Variants in LRP1B observed in about 807,000 individuals in gnomAD.
The protein encoded by LRP1B is low-density lipoprotein receptor-related protein 1B.
In LRP1B, 217 loss-of-function variants were observed where a neutral mutation model predicts 556.6. That is an observed-to-expected ratio of 0.39 (90% CI 0.35 to 0.44). The LOEUF is 0.44. LRP1B is among the 20% of genes least tolerant of loss of function. LRP1B has a pLI of 1.00. For synonymous variants in LRP1B, 2,047 were observed against 1,865.8 expected, an observed-to-expected ratio of 1.10 and a Z score of -2.50; for missense variants, 5,053 against 5,620.8, an observed-to-expected ratio of 0.90 and a Z score of 3.23.
chr2:140,436,558 A>G lies in LRP1B; in HGVS notation c.10414+5946T>C, dbSNP rs112945468. 7.2e-3 allele frequency among the ~76,000 whole-genome samples: 1,101 copies of G among 152,144 alleles called. 22 individuals are homozygous for G. Among genetic ancestry groups the G allele is most frequent in the African/African-American group, 0.023 (962 of 41,504 alleles). On this transcript the variant is annotated intron_variant, in intron 66 of 90. Coordinates refer to ENST00000389484, the MANE Select transcript of LRP1B (RefSeq NM_018557.3). ...GAATGCCGAGAAGTGGAAAGCAGTAAAGCAATATGGTTTTCATTTCTCTCT... is the reference window on the plus strand; with the variant it reads ...GAATGCCGAGAAGTGGAAAGCAGTAGAGCAATATGGTTTTCATTTCTCTCT...
At chr2:140,868,470 A>G (rs1227004033) in intron 25 of LRP1B, among the ~76,000 whole-genome samples, 1 of 152,056 alleles carries the variant, frequency 6.6e-6, no homozygotes, top group African/African-American at 2.4e-5. Context: ...GACTCATAAA[A>G]TATTTTGAAA....
intron 29 of LRP1B, among the ~76,000 whole-genome samples, chr2:140,842,537 T>C (rs760201617): frequency 1.3e-5 from 2 of 152,222 alleles, no homozygotes; most frequent in Non-Finnish European, 2.9e-5. Flanking sequence ...GAATTTCAAA[T>C]GTAAACTTGT....
chr2:140,538,687 G>A (rs1027739391), intron 45 of LRP1B, among the ~76,000 whole-genome samples: 14 of 152,036 alleles, frequency 9.2e-5, no homozygotes, highest in African/African-American at 3.4e-4. Flanking sequence ...AAAAATAAAA[G>A]GGTGCTAATA....
intron 2 of LRP1B, among the ~76,000 whole-genome samples, chr2:141,755,938 T>G (rs536941485): frequency 1.6e-4 from 24 of 152,170 alleles, no homozygotes; most frequent in Non-Finnish European, 3.2e-4. Flanking sequence ...ACCATTATTT[T>G]TAAAATATAT....
intron 25 of LRP1B, among the ~76,000 whole-genome samples, chr2:140,883,135 G>T (rs1047147200): frequency 6.6e-6 from 1 of 152,154 alleles, no homozygotes; most frequent in Non-Finnish European, 1.5e-5. Flanking sequence ...TACACCCAGA[G>T]TATAAGTGAC....
chr2:140,525,534 G>A (rs1445158404), intron 49 of LRP1B, among the ~76,000 whole-genome samples: 5 of 151,922 alleles, frequency 3.3e-5, no homozygotes. Flanking sequence ...TTCTAGGTAT[G>A]TAATAATTCT....
rs559297609 is a variant in LRP1B, at chr2:140,994,143, T to TA, written c.2504-9dup. On this transcript the variant is annotated splice_polypyrimidine_tract_variant and intron_variant, in intron 15 of 90. Coordinates refer to ENST00000389484, the MANE Select transcript of LRP1B (RefSeq NM_018557.3). ...GTGCTTCTCCAGGATTAACTAGAGT[T>TA]AAAAAAACCCAAGGTATATGAATAA... 804 of 1,610,078 alleles carry TA rather than the reference T, an allele frequency of 5.0e-4. 5 individuals carry two copies. The highest frequency in any genetic ancestry group is 4.2e-3 in the South Asian group (385 of 90,734).
At chr2:140,691,700 T>C (rs985626489) in intron 41 of LRP1B, among the ~76,000 whole-genome samples, 2 of 152,148 alleles carry the variant, frequency 1.3e-5, no homozygotes, top group Admixed American at 6.6e-5. Flanking sequence ...AGCAGGCACC[T>C]ATCATGTCAT....
At chr2:141,483,315 G>C (rs1682994588) in intron 2 of LRP1B, among the ~76,000 whole-genome samples, 1 of 150,808 alleles carries the variant, frequency 6.6e-6, no homozygotes, top group African/African-American at 2.4e-5. Context: ...TGGCTGCATA[G>C]TATTCCATGG....
chr2:140,466,124 C>CTTTTTT (rs74381027), intron 60 of LRP1B, among the ~76,000 whole-genome samples: 1 of 125,718 alleles, frequency 8.0e-6, no homozygotes, highest in African/African-American at 2.9e-5. Flanking sequence ...TTTCTTTTTT[C>CTTTTTT]TTTTTTTTTT....
intron 1 of LRP1B, among the ~76,000 whole-genome samples, chr2:141,977,653 G>T (rs1574553145): frequency 6.6e-6 from 1 of 152,084 alleles, no homozygotes; most frequent in Non-Finnish European, 1.5e-5. Context: ...GTTGATGATG[G>T]GTTTGGACAT....
At chr2:142,123,750 T>C (rs895602056) in intron 1 of LRP1B, among the ~76,000 whole-genome samples, 1 of 151,764 alleles carries the variant, frequency 6.6e-6, no homozygotes, top group African/African-American at 2.4e-5. Flanking sequence ...GATATAGTTA[T>C]AATATTATTC....
chr2:140,338,918 G>A (rs912037387), intron 77 of LRP1B, among the ~76,000 whole-genome samples: 82 of 151,830 alleles, frequency 5.4e-4, no homozygotes, highest in African/African-American at 1.9e-3. Context: ...CCATGAAATA[G>A]AGACACTAAT....
chr2:140,495,387 GTTA>G (rs1688877955), intron 56 of LRP1B, among the ~76,000 whole-genome samples, 175 bp downstream of exon 56: 2 of 150,414 alleles, frequency 1.3e-5, no homozygotes, highest in South Asian at 4.2e-4. Flanking sequence ...ATAAGGCAAT[GTTA>G]TTATGAACAG....
At chr2:140,953,939 T>C (rs1695795903) in intron 18 of LRP1B, among the ~76,000 whole-genome samples, 1 of 152,198 alleles carries the variant, frequency 6.6e-6, no homozygotes, top group Non-Finnish European at 1.5e-5. Flanking sequence ...TTACCATCCA[T>C]GAATGTACCT....
In LRP1B at chr2:140,526,236, C is replaced by G. The variant is rs762049370; in HGVS notation, c.7876+1G>C. 6.2e-7 allele frequency: 1 copy of G among 1,609,342 alleles called. No homozygotes were observed. On this transcript the variant is annotated splice_donor_variant, in intron 48 of 90. Transcript: ENST00000389484. LOFTEE classifies it high-confidence loss of function. Reference sequence around the variant, plus strand: ...AGACAAAAGGTAGTGGAATATCTTACTGCAGTTCTTTTCATCTGAAGCATC... The same window carrying G: ...AGACAAAAGGTAGTGGAATATCTTAGTGCAGTTCTTTTCATCTGAAGCATC...
chr2:141,991,079 T>C (rs935294292), intron 1 of LRP1B, among the ~76,000 whole-genome samples: 1 of 152,070 alleles, frequency 6.6e-6, no homozygotes, highest in African/African-American at 2.4e-5. Flanking sequence ...TACAAATTAT[T>C]TGTTCATTTG....
At chr2:141,978,006 T>G (rs1701933196) in intron 1 of LRP1B, among the ~76,000 whole-genome samples, 1 of 152,156 alleles carries the variant, frequency 6.6e-6, no homozygotes, top group African/African-American at 2.4e-5. Context: ...AGCATACATT[T>G]TGCATACAGA....
chr2:141,967,397 A>T (rs942998958), intron 1 of LRP1B, among the ~76,000 whole-genome samples: 1 of 151,880 alleles, frequency 6.6e-6, no homozygotes, highest in African/African-American at 2.4e-5. Context: ...AATGCTTAAA[A>T]GTGTTTCATT....
Sources: allele counts gnomAD v4.1 joint callset (sites outside exome capture counted in the v4.1 genomes callset), GRCh38; gene constraint gnomAD v4.1.1; transcripts MANE v1.5; gene names NCBI Gene and HGNC (gene_info 2026-07-23, HGNC 2026-07-21).